Variants in RAP1B observed in about 807,000 individuals in gnomAD.
The protein encoded by RAP1B is ras-related protein Rap-1b.
In RAP1B, 1 loss-of-function variant was observed where a neutral mutation model predicts 27.5. The observed-to-expected ratio is 0.04, with a 90% CI of 0.01 to 0.17. The LOEUF is 0.17. Among genes scored for constraint, RAP1B ranks in the 10% least tolerant of loss-of-function variants. RAP1B has a pLI of 1.00. For missense variants in RAP1B, 84 were observed against 214.8 expected, an observed-to-expected ratio of 0.39 and a Z score of 3.81; for synonymous variants, 75 against 73.1, an observed-to-expected ratio of 1.03 and a Z score of -0.13.
At chr12:68,653,078 A>T (rs1371152313) in intron 4 of RAP1B, among the ~76,000 whole-genome samples, 3 of 151,970 alleles carry the variant, frequency 2.0e-5, no homozygotes, top group African/African-American at 7.3e-5. Context: ...GTGCAGTGGC[A>T]GGCACCTGTA....
At chr12:68,651,954 T>G in intron 3 of RAP1B, 41 bp from the exon 4 acceptor site, 1 of 1,532,690 alleles carries the variant, frequency 6.5e-7, no homozygotes, top group Non-Finnish European at 9.0e-7. Flanking sequence ...TAGTTTTATG[T>G]ACATTGAAAA....
intron 1 of RAP1B, among the ~76,000 whole-genome samples, chr12:68,618,086 C>CTTTTTTTTT (rs36224976): frequency 4.4e-4 from 27 of 60,790 alleles, no homozygotes; most frequent in East Asian, 6.7e-4. Flanking sequence ...TTCTATAAAG[C>CTTTTTTTTT]TTTTTTTTTT....
In RAP1B at chr12:68,661,121, A is replaced by T. The variant is rs550726151; in HGVS notation, c.*1872A>T. On this transcript the variant is annotated 3_prime_UTR_variant, in exon 8 of 8. Coordinates refer to ENST00000250559, the MANE Select transcript of RAP1B (RefSeq NM_001010942.3). Reference sequence around the variant, plus strand: ...AATATCTAATAGAGGGGTATCTGCTAATCCCCTAAATACACGCTGTTTGAA... The same window carrying T: ...AATATCTAATAGAGGGGTATCTGCTTATCCCCTAAATACACGCTGTTTGAA... The T allele has an allele frequency of 6.6e-6, 1 of 152,304 alleles. No individual in the cohort carries two copies. Among genetic ancestry groups the T allele is most frequent in the African/African-American group, 2.4e-5 (1 of 41,586 alleles). 9.4% of individuals were successfully genotyped at this position (152,304 alleles called of 1,614,324 possible).
intron 1 of RAP1B, chr12:68,626,887 G>A (rs1012209321): frequency 3.4e-5 from 54 of 1,577,046 alleles, no homozygotes; most frequent in Middle Eastern, 2.3e-4. Flanking sequence ...TGCAGGGCCC[G>A]CCACTTGTCC....
intron 1 of RAP1B, among the ~76,000 whole-genome samples, chr12:68,616,437 AAT>A (rs1871015027): frequency 8.4e-6 from 1 of 118,806 alleles, no homozygotes; most frequent in South Asian, 2.8e-4. Context: ...GTGCCTGGCT[AAT>A]TTTTTTTTTT....
chr12:68,624,291 C>G (rs1051560456), intron 1 of RAP1B, among the ~76,000 whole-genome samples: 4 of 152,024 alleles, frequency 2.6e-5, no homozygotes, highest in African/African-American at 9.7e-5. Context: ...AGATTGGTGC[C>G]TAACAAACAC....
rs1025237622 is a variant in RAP1B, at chr12:68,668,184, A to G, written c.*8935A>G. On this transcript the variant is annotated 3_prime_UTR_variant, in exon 8 of 8. Coordinates refer to ENST00000250559, the MANE Select transcript of RAP1B (RefSeq NM_001010942.3). ...CCGTCAAGGCTTTTGTTCAAGGGAG[A>G]GTAAAGAGGATAGGTCTCAGTATGT... 6.6e-6 allele frequency: 1 copy of G among 152,164 alleles called. No individual in the cohort carries two copies. Among genetic ancestry groups the G allele is most frequent in the African/African-American group, 2.4e-5 (1 of 41,432 alleles). The allele number at this position is 152,164 out of a possible 1,614,324, so 9.4% of individuals were successfully genotyped here. A position where few individuals can be genotyped will look rare whatever the true frequency, so the allele number is the denominator to read the frequency against.
intron 1 of RAP1B, among the ~76,000 whole-genome samples, chr12:68,623,135 G>A (rs1420445000): frequency 6.6e-6 from 1 of 152,226 alleles, no homozygotes; most frequent in Non-Finnish European, 1.5e-5. Context: ...GTTACTATAT[G>A]TTAGGATTAA....
At position 68,670,981 on chromosome 12, in the gene RAP1B, T is replaced by C. The variant is rs551806660; in HGVS notation, c.*11732T>C. 1 of 142,872 alleles carries C rather than the reference T, an allele frequency of 7.0e-6. No homozygotes were observed. The highest frequency in any genetic ancestry group is 2.0e-4 in the East Asian group (1 of 4,896). The allele number at this position is 142,872 out of a possible 1,614,324, so 8.9% of individuals were successfully genotyped here. ...AGGCGAAAGTTGCAGTGAGCCAAGA[T>C]GGTGCCATTGCACTCCAGCCTGGGC... On this transcript the variant is annotated 3_prime_UTR_variant, in exon 8 of 8. Transcript: ENST00000250559.
chr12:68,617,664 C>G (rs1374120298), intron 1 of RAP1B, among the ~76,000 whole-genome samples: 1 of 152,176 alleles, frequency 6.6e-6, no homozygotes, highest in Non-Finnish European at 1.5e-5. Context: ...TTCCAACCTC[C>G]TTGCCTCCTC....
intron 2 of RAP1B, chr12:68,649,920 C>G (rs1873690770): frequency 6.6e-6 from 1 of 152,552 alleles, no homozygotes; most frequent in Non-Finnish European, 1.5e-5. Context: ...CGAGAGCAGC[C>G]TGGCCAATAT....
intron 1 of RAP1B, chr12:68,643,095 T>G: frequency 1.6e-6 from 1 of 616,836 alleles, no homozygotes; most frequent in Non-Finnish European, 2.9e-6. Context: ...GTTTTTCTGT[T>G]GATTATAGTT....
At chr12:68,633,056 G>T (rs962498439) in intron 1 of RAP1B, among the ~76,000 whole-genome samples, 6 of 152,140 alleles carry the variant, frequency 3.9e-5, no homozygotes, top group African/African-American at 1.2e-4. Context: ...CACTAAGTTA[G>T]AAAGGTTTTC....
At chr12:68,613,323 G>A (rs1246516407) in intron 1 of RAP1B, among the ~76,000 whole-genome samples, 1 of 151,158 alleles carries the variant, frequency 6.6e-6, no homozygotes. Context: ...CCTGGGAGGC[G>A]GAGGGTGCAG....
intron 1 of RAP1B, among the ~76,000 whole-genome samples, chr12:68,636,532 A>T (rs1565665048): frequency 6.6e-6 from 1 of 152,196 alleles, no homozygotes; most frequent in Non-Finnish European, 1.5e-5. Flanking sequence ...GGCTTAAGTG[A>T]TCCTCCTACC....
chr12:68,625,619 CTT>C (rs2135925615), intron 1 of RAP1B, among the ~76,000 whole-genome samples: 1 of 152,168 alleles, frequency 6.6e-6, no homozygotes, highest in East Asian at 1.9e-4. Context: ...TCAAGGCATT[CTT>C]TTTTAAAGTT....
intron 1 of RAP1B, among the ~76,000 whole-genome samples, chr12:68,632,224 G>A (rs1226783910): frequency 7.3e-6 from 1 of 137,340 alleles, no homozygotes; most frequent in African/African-American, 2.8e-5. Context: ...TGCAACCTCC[G>A]CCTCCCAGGT....
rs528831246 is a variant in RAP1B, at chr12:68,668,486, T to C, written c.*9237T>C. On this transcript the variant is annotated 3_prime_UTR_variant, in exon 8 of 8. Transcript: ENST00000250559. The stretch of plus-strand genomic sequence containing the variant: ...CAAATTCTAGTAAGCAAAAGATTTT[T>C]TGTGACCAGGTCTCCCTGACCTGCA... 1 of 152,338 alleles carries C rather than the reference T, an allele frequency of 6.6e-6. No individual in the cohort carries two copies. The highest frequency in any genetic ancestry group is 2.4e-5 in the African/African-American group (1 of 41,584). 9.4% of individuals were successfully genotyped at this position (152,338 alleles called of 1,614,324 possible).
chr12:68,623,857 T>TA (rs993087180), intron 1 of RAP1B, among the ~76,000 whole-genome samples: 4 of 152,100 alleles, frequency 2.6e-5, no homozygotes, highest in African/African-American at 9.7e-5. Context: ...CCATCTCTAC[T>TA]AAAAATACAA....
Sources: gnomAD v4.1 joint callset for allele counts (sites outside exome capture counted in the v4.1 genomes callset) on GRCh38, gnomAD v4.1.1 for gene constraint, MANE v1.5 for transcripts, NCBI Gene and HGNC (gene_info 2026-07-23, HGNC 2026-07-21) for gene names.